MTMR11: variants seen among roughly 807,000 people sequenced by gnomAD.
MTMR11 encodes the protein myotubularin related protein 11.
MTMR11 carries 89 observed loss-of-function variants against 100.0 expected under a neutral mutation model. That is an observed-to-expected ratio of 0.89 (90% confidence interval 0.75 to 1.06). The LOEUF (loss-of-function observed/expected upper bound fraction) is 1.06, where lower values mean the gene tolerates loss of function less well. MTMR11 is among the 50% of genes least tolerant of loss of function. The pLI, the probability that MTMR11 is intolerant of heterozygous loss-of-function variation, is 0.00. For synonymous variants in MTMR11, 336 were observed against 326.3 expected, an observed-to-expected ratio of 1.03 and a Z score of -0.32; for missense variants, 809 against 873.7, an observed-to-expected ratio of 0.93 and a Z score of 0.93.
Position 149,932,279 on chromosome 1 carries a change from C to T in MTMR11, c.1037G>A (p.Trp346Ter). Residue 346 changes from tryptophan to a stop codon, truncating the protein, a stop_gained, in exon 11 of 17, where the codon TGG becomes TAG. Transcript: ENST00000439741. LOFTEE classifies it high-confidence loss of function. ...GAGGGAGTACCTGACATAGTCCAGC[C>T]ATCGTGTTCCTTCCAGGGCTGAAAG... Reference protein sequence around the residue: ...KWLSALEGTRWLDYVRACLRK... With the variant: ...KWLSALEGTR 1 of 1,613,970 alleles carries T rather than the reference C, an allele frequency of 6.2e-7. No homozygotes were observed. Among genetic ancestry groups the T allele is most frequent in the Non-Finnish European group, 8.5e-7 (1 of 1,179,824 alleles).
Position 149,929,032 on chromosome 1 carries a change from T to TC in MTMR11, c.*96dup. 1 of 1,594,862 alleles carries TC rather than the reference T, an allele frequency of 6.3e-7. No homozygotes were observed. The highest frequency in any genetic ancestry group is 8.5e-7 in the Non-Finnish European group (1 of 1,169,836). ...TAACACCACTATCTGCAGCAGAAAC[T>TC]CAGACCTTCTTAGTGAACTTAAGGG... is the stretch of plus-strand genomic sequence containing the variant. On this transcript the variant is annotated 3_prime_UTR_variant, in exon 17 of 17. Coordinates refer to ENST00000439741, the MANE Select transcript of MTMR11 (RefSeq NM_001145862.2).
In MTMR11 at chr1:149,933,059, G is replaced by GC. The variant is rs200626958; in HGVS notation, c.985+346dup. Among the ~76,000 whole-genome samples, 404 of 150,400 alleles carry GC rather than the reference G, an allele frequency of 2.7e-3. 15 individuals carry two copies. In the East Asian group the frequency reaches 0.073, roughly 27 times the overall value. ...CCTCCTGGGTTCAAGCGATTCTTGT[G>GC]CCTCAGCCTTCCAAGTAGCTGGGAT... On this transcript the variant is annotated intron_variant, in intron 10 of 16. Transcript: ENST00000439741.
At position 149,929,763 on chromosome 1, in the gene MTMR11, T is replaced by C; in HGVS notation, c.1801A>G (p.Ser601Gly). Residue 601 changes from serine (S) to glycine (G), a missense_variant, in exon 16 of 17, where the codon AGC (serine) becomes GGC (glycine). Ser to Gly is a moderately conservative substitution (Grantham distance 56). Coordinates refer to ENST00000439741, the MANE Select transcript of MTMR11 (RefSeq NM_001145862.2). ...WLPRPAISSE[S>G]LADQEWGLPS... ...AGACCCCATTCCTGGTCAGCCAGGCTTTCAGAGGAGATAGCAGGTCGAGGG... is the reference window on the plus strand; with the variant it reads ...AGACCCCATTCCTGGTCAGCCAGGCCTTCAGAGGAGATAGCAGGTCGAGGG... The C allele has an allele frequency of 6.2e-7, 1 of 1,614,086 alleles. No individual in the cohort carries two copies. Among genetic ancestry groups the C allele is most frequent in the Middle Eastern group, 1.6e-4 (1 of 6,062 alleles).
rs1015558926 is a variant in MTMR11, at chr1:149,929,675, G to A, written c.1889C>T (p.Pro630Leu). 1 of 1,613,828 alleles carries A rather than the reference G, an allele frequency of 6.2e-7. No homozygotes were observed. Among genetic ancestry groups the A allele is most frequent in the African/African-American group, 1.3e-5 (1 of 74,890 alleles). The change falls in exon 16 of 17, where the codon CCC becomes CTC. Residue 630 changes from proline to leucine, a missense_variant. By Grantham distance (98) the Pro-to-Leu change is moderately conservative. Transcript: ENST00000439741. ...PGLLLPGYLGPQIRLWRRCYL... is the reference protein window; with the variant it reads ...PGLLLPGYLGLQIRLWRRCYL... ...GCAGCGTCTCCAGAGCCTGATCTGG[G>A]GTCCCAGATACCCAGGCAGCAGCAG... is the stretch of plus-strand genomic sequence containing the variant.
At position 149,935,411 on chromosome 1, in the gene MTMR11, A is replaced by G. The variant is rs183310183; in HGVS notation, c.265-52T>C. On this transcript the variant is annotated intron_variant, in intron 3 of 16. Transcript: ENST00000439741. ...CATCTGAAATCGCCCTCATTTTCCT[A>G]CCCTGGCAGCCCCAACCCCTTCTAG... 189 of 1,602,846 alleles carry G rather than the reference A, an allele frequency of 1.2e-4. 2 individuals are homozygous for G. In the African/African-American group the frequency reaches 2.2e-3, roughly 18 times the overall value.
chr1:149,936,709 A>G lies in MTMR11; in HGVS notation c.-62T>C. On this transcript the variant is annotated 5_prime_UTR_variant, in exon 1 of 17. Coordinates refer to ENST00000439741, the MANE Select transcript of MTMR11 (RefSeq NM_001145862.2). ...TGGGAAACCTCAAGGATGCTCACCC[A>G]CCTCGGGGAGAGGCTGAGTCTTGTT... is the stretch of plus-strand genomic sequence containing the variant. 8.9e-7 allele frequency: 1 copy of G among 1,121,330 alleles called. No homozygotes were observed. Among genetic ancestry groups the G allele is most frequent in the Non-Finnish European group, 1.3e-6 (1 of 755,296 alleles). The allele number at this position is 1,121,330 out of a possible 1,614,324, so 69.5% of individuals were successfully genotyped here.
chr1:149,932,282 CG>C lies in MTMR11; in HGVS notation c.1033del (p.Arg345AspfsTer19). ...GGAGTACCTGACATAGTCCAGCCATCGTGTTCCTTCCAGGGCTGAAAGCCAT... is the reference window on the plus strand; with the variant it reads ...GGAGTACCTGACATAGTCCAGCCATCTGTTCCTTCCAGGGCTGAAAGCCAT... ...DKWLSALEGT[R>X]WLDYVRACLR... is the part of the protein sequence containing the mutation. On this transcript the variant is annotated frameshift_variant, in exon 11 of 17. Transcript: ENST00000439741. LOFTEE classifies it high-confidence loss of function. The C allele has an allele frequency of 6.2e-7, 1 of 1,614,010 alleles. No individual in the cohort carries two copies. The highest frequency in any genetic ancestry group is 8.5e-7 in the Non-Finnish European group (1 of 1,179,860).
Position 149,935,361 on chromosome 1 carries a change from T to C in MTMR11, c.265-2A>G. On this transcript the variant is annotated splice_acceptor_variant, in intron 3 of 16. Transcript: ENST00000439741. LOFTEE classifies it high-confidence loss of function. ...GTATTCACTGTTCAAGGGAGTGTCC[T>C]AGACGAAACACGTGACTGGGTAGAC... 2 of 1,613,696 alleles carry C rather than the reference T, an allele frequency of 1.2e-6. No individual in the cohort carries two copies. The highest frequency in any genetic ancestry group is 4.5e-5 in the East Asian group (2 of 44,890).
At chr1:149,936,483 C>A in intron 1 of MTMR11, 99 bp downstream of exon 1, 1 of 1,112,536 alleles carries the variant, frequency 9.0e-7, no homozygotes, top group Admixed American at 2.7e-5. Flanking sequence ...CAGACACACC[C>A]TCCTCCTCCT....
rs144819804 is a variant in MTMR11 at position 149,936,713 on chromosome 1, C to T, written c.-66G>A. On this transcript the variant is annotated 5_prime_UTR_variant, in exon 1 of 17. Transcript: ENST00000439741. ...AAACCTCAAGGATGCTCACCCACCT[C>T]GGGGAGAGGCTGAGTCTTGTTGAGA... 60 of 1,070,172 alleles carry T rather than the reference C, an allele frequency of 5.6e-5. No homozygotes were observed. The African/African-American group carries it at 6.4e-4, about 11-fold the overall frequency. 66.3% of individuals were successfully genotyped at this position (1,070,172 alleles called of 1,614,324 possible).
At chr1:149,934,661 G>T in intron 5 of MTMR11, 135 bp from the exon 6 acceptor site, 7 of 940,390 alleles carry the variant, frequency 7.4e-6, no homozygotes, top group Non-Finnish European at 1.1e-5. Context: ...AGAGAAGGGG[G>T]CTTCCTCAGG....
chr1:149,935,712 G>C lies in MTMR11; in HGVS notation c.143-7C>G, dbSNP rs372318421. The C allele has an allele frequency of 1.3e-4, 213 of 1,583,718 alleles. 2 individuals are homozygous for C. The African/African-American group carries it at 2.5e-3, about 19-fold the overall frequency. ...CATGCTAGGATCTGCTCCCCTAAAG[G>C]GGAAGAAGGGAAGCCCTGTTATGAC... is the stretch of plus-strand genomic sequence containing the variant. On this transcript the variant is annotated splice_polypyrimidine_tract_variant and splice_region_variant and intron_variant, in intron 2 of 16. Transcript: ENST00000439741.
rs1553766790 is a variant in MTMR11, at chr1:149,929,206, T to C, written c.2053A>G (p.Arg685Gly). 1.2e-6 allele frequency: 2 copies of C among 1,614,052 alleles called. No individual in the cohort carries two copies. The highest frequency in any genetic ancestry group is 1.7e-5 in the Admixed American group (1 of 60,002). ...GGATTGAGAATGGTATGTGGATCTC[T>C]TTTCTTGGAGTGATCCTCAGGAGAT... The part of the protein sequence containing the change: ...RISPEDHSKK[R>G]DPHTILNPTE... The change falls in exon 17 of 17, where the codon AGA (arginine) becomes GGA (glycine). Residue 685 changes from arginine (R) to glycine (G), a missense_variant. Coordinates refer to ENST00000439741, the MANE Select transcript of MTMR11 (RefSeq NM_001145862.2).
rs782038448 is a variant in MTMR11, at chr1:149,933,503, C to A, written c.888G>T (p.Gly296=). 6.2e-7 allele frequency: 1 copy of A among 1,614,048 alleles called. No homozygotes were observed. The highest frequency in any genetic ancestry group is 8.5e-7 in the Non-Finnish European group (1 of 1,179,970). ...TGTCTACCAGGACAACATCTGAATGCCCAGCCTGGAGCATCAACTCCACTG... is the reference window on the plus strand; with the variant it reads ...TGTCTACCAGGACAACATCTGAATGACCAGCCTGGAGCATCAACTCCACTG... ...IRAVELMLQA[G]HSDVVLVDTM... The change falls in exon 10 of 17, where the codon GGG becomes GGT. Residue 296 remains glycine (G), a synonymous_variant. Coordinates refer to ENST00000439741, the MANE Select transcript of MTMR11 (RefSeq NM_001145862.2).
chr1:149,935,185 A>G, intron 4 of MTMR11, 57 bp from the exon 5 acceptor site: 1 of 1,610,380 alleles, frequency 6.2e-7, no homozygotes, highest in Non-Finnish European at 8.5e-7. Flanking sequence ...TCCAGAAGGG[A>G]CTCTTGCAGC....
intron 12 of MTMR11, 99 bp from the exon 13 acceptor site, chr1:149,931,525 A>G: frequency 8.6e-7 from 1 of 1,165,688 alleles, no homozygotes; most frequent in South Asian, 1.6e-5. Context: ...AGTGAGAGGC[A>G]CAGAGGGGAA....
chr1:149,929,431 T>G (rs2092625166), intron 16 of MTMR11, 114 bp from the exon 17 acceptor site: 1 of 1,231,224 alleles, frequency 8.1e-7, no homozygotes, highest in African/African-American at 1.5e-5. Context: ...ATGCCCTAAA[T>G]TCCACTTAAT....
chr1:149,928,859 C>T lies in MTMR11; in HGVS notation c.*270G>A. ...GGGACTGATGAACAGCATCTCTGAT[C>T]TCATGATTTAACATCTGGTTATCCA... On this transcript the variant is annotated 3_prime_UTR_variant, in exon 17 of 17. Transcript: ENST00000439741. 1 of 1,611,694 alleles carries T rather than the reference C, an allele frequency of 6.2e-7. No homozygotes were observed. The highest frequency in any genetic ancestry group is 8.5e-7 in the Non-Finnish European group (1 of 1,177,852).
Position 149,929,092 on chromosome 1 carries a change from A to G in MTMR11, c.*37T>C. ...GAAAGCTGAGGCTGCAAGTGCAGAT[A>G]CAAAAAAAAAAAAAAAAGATTAGAC... On this transcript the variant is annotated 3_prime_UTR_variant, in exon 17 of 17. Coordinates refer to ENST00000439741, the MANE Select transcript of MTMR11 (RefSeq NM_001145862.2). 6.5e-7 allele frequency: 1 copy of G among 1,549,998 alleles called. No individual in the cohort carries two copies. Among genetic ancestry groups the G allele is most frequent in the Non-Finnish European group, 8.7e-7 (1 of 1,150,682 alleles).
Sources: gnomAD v4.1 joint callset for allele counts (sites outside exome capture counted in the v4.1 genomes callset) on GRCh38, gnomAD v4.1.1 for gene constraint, MANE v1.5 for transcripts, NCBI Gene and HGNC (gene_info 2026-07-23, HGNC 2026-07-21) for gene names.